ATAD1: variants seen among roughly 807,000 people sequenced by gnomAD.
ATAD1 encodes the protein outer mitochondrial transmembrane helix translocase.
A neutral mutation model predicts 42.7 loss-of-function variants in ATAD1; 18 were observed. The observed-to-expected ratio is 0.42, with a 90% CI of 0.29 to 0.63. The LOEUF (loss-of-function observed/expected upper bound fraction) is 0.63. ATAD1 is among the 20% of genes least tolerant of loss of function. The pLI, the probability that ATAD1 is intolerant of heterozygous loss-of-function variation, is 0.19. For missense variants in ATAD1, 294 were observed against 440.4 expected (o/e 0.67, Z 2.98); for synonymous variants, 132 against 143.1 (o/e 0.92, Z 0.55).
At chr10:87,829,127 A>G (rs1343445804) in intron 1 of ATAD1, among the ~76,000 whole-genome samples, 1 of 152,206 alleles carries the variant, frequency 6.6e-6, no homozygotes, top group Non-Finnish European at 1.5e-5. Flanking sequence ...TTATTACTAG[A>G]GAAATACATT....
chr10:87,798,318 C>T (rs1202255872), intron 2 of ATAD1, among the ~76,000 whole-genome samples: 1 of 152,132 alleles, frequency 6.6e-6, no homozygotes, highest in African/African-American at 2.4e-5. Flanking sequence ...GGAGAATGAT[C>T]CCCTTTCAAG....
At chr10:87,820,091 AAAAC>A (rs1221386630), upstream of ATAD1, among the ~76,000 whole-genome samples, 3 of 152,160 alleles carry the variant, frequency 2.0e-5, no homozygotes, top group African/African-American at 7.2e-5. Context: ...ATGTTCATTA[AAAAC>A]AAACAACAAC....
chr10:87,811,372 T>A (rs1050022530), intron 2 of ATAD1, among the ~76,000 whole-genome samples: 6 of 116,938 alleles, frequency 5.1e-5, no homozygotes, highest in African/African-American at 1.5e-4. Context: ...ACAAGATTTT[T>A]AAAAAATTAT....
intron 2 of ATAD1, among the ~76,000 whole-genome samples, chr10:87,805,846 A>G (rs1856897419): frequency 6.6e-6 from 1 of 151,786 alleles, no homozygotes; most frequent in African/African-American, 2.4e-5. Flanking sequence ...TGCCTCCACC[A>G]AATGGAAATT....
rs560628831 is a variant in ATAD1 at position 87,795,553 on chromosome 10, AAAG to A, written c.163-2801_163-2799del. On this transcript the variant is annotated intron_variant, in intron 2 of 9. Coordinates refer to ENST00000680024, the MANE Select transcript of ATAD1 (RefSeq NM_001321967.2). Reference sequence around the variant, plus strand: ...TTGGATGGGGAGTGTGTGGGGGCCAAAAGAAGGAGGAAAACTTACTTTTTACTG... The same window carrying A: ...TTGGATGGGGAGTGTGTGGGGGCCAAAAGGAGGAAAACTTACTTTTTACTG... 5.3e-4 allele frequency among the ~76,000 whole-genome samples: 80 copies of A among 151,806 alleles called. No individual in the cohort carries two copies. The East Asian group carries it at 0.011, about 21-fold the overall frequency.
chr10:87,754,869 T>C (rs943766908), intron 9 of ATAD1, 62 bp from the exon 10 acceptor site: 3 of 1,551,640 alleles, frequency 1.9e-6, no homozygotes, highest in Admixed American at 3.9e-5. Context: ...CCCTAAAATA[T>C]TTTACCAAGA....
intron 1 of ATAD1, among the ~76,000 whole-genome samples, chr10:87,827,487 T>A (rs1206907631): frequency 6.6e-6 from 1 of 152,222 alleles, no homozygotes; most frequent in Non-Finnish European, 1.5e-5. Context: ...TCCAACAGCA[T>A]GTACTCACTT....
At chr10:87,826,126 T>C (rs1024312797) in intron 1 of ATAD1, among the ~76,000 whole-genome samples, 8 of 151,008 alleles carry the variant, frequency 5.3e-5, no homozygotes, top group Non-Finnish European at 1.0e-4. Flanking sequence ...CCCCTTTTAT[T>C]GTCATTGTTT....
intron 2 of ATAD1, among the ~76,000 whole-genome samples, chr10:87,800,333 T>C (rs1325087368): frequency 6.6e-6 from 1 of 152,090 alleles, no homozygotes; most frequent in African/African-American, 2.4e-5. Context: ...TTTAGTTTTC[T>C]CTCTCCTTTT....
chr10:87,787,533 C>A (rs1286897342), intron 4 of ATAD1, among the ~76,000 whole-genome samples: 3 of 152,092 alleles, frequency 2.0e-5, no homozygotes, highest in Non-Finnish European at 4.4e-5. Context: ...GCAGGAGGAT[C>A]ATTTGAGCCC....
chr10:87,827,435 G>C (rs1017710513), intron 1 of ATAD1, among the ~76,000 whole-genome samples: 1 of 152,168 alleles, frequency 6.6e-6, no homozygotes, highest in Non-Finnish European at 1.5e-5. Context: ...AATGGAAGGT[G>C]TGTGGCAACC....
At chr10:87,779,325 AAAAT>A (rs900564238) in intron 5 of ATAD1, among the ~76,000 whole-genome samples, 3 of 76,246 alleles carry the variant, frequency 3.9e-5, no homozygotes, top group African/African-American at 1.4e-4. Flanking sequence ...AAAATAAAAC[AAAAT>A]AAATAAAATA....
intron 8 of ATAD1, 131 bp downstream of exon 8, chr10:87,767,539 TACC>T: frequency 1.2e-6 from 1 of 824,204 alleles, no homozygotes. Context: ...CATAGACCAG[TACC>T]AGTCTGTGGC....
At chr10:87,827,960 C>T (rs915123102) in intron 1 of ATAD1, among the ~76,000 whole-genome samples, 3 of 151,718 alleles carry the variant, frequency 2.0e-5, no homozygotes, top group Non-Finnish European at 2.9e-5. Context: ...TTTGGTTGTT[C>T]GTTTATTGGT....
chr10:87,773,449 G>A (rs1855145792), intron 6 of ATAD1, among the ~76,000 whole-genome samples: 2 of 152,022 alleles, frequency 1.3e-5, no homozygotes. Flanking sequence ...TCATAGAAAA[G>A]ACAATTCTAG....
At chr10:87,756,696 C>T (rs909685879) in intron 9 of ATAD1, 93 bp downstream of exon 9, 20 of 1,179,434 alleles carry the variant, frequency 1.7e-5, no homozygotes, top group Admixed American at 8.7e-5. Flanking sequence ...ATTTCATAAG[C>T]GGTGTTTCTA....
intron 2 of ATAD1, among the ~76,000 whole-genome samples, chr10:87,804,865 A>G (rs1015699041): frequency 2.0e-5 from 3 of 152,178 alleles, no homozygotes; most frequent in African/African-American, 7.2e-5. Flanking sequence ...GTATGTGCCC[A>G]GAAAAATCCC....
intron 1 of ATAD1, among the ~76,000 whole-genome samples, chr10:87,831,818 A>G (rs1857835302): frequency 6.6e-6 from 1 of 152,200 alleles, no homozygotes; most frequent in Non-Finnish European, 1.5e-5. Flanking sequence ...AACACTTTAT[A>G]TAGTATTTAA....
chr10:87,797,923 T>C (rs1288484981), intron 2 of ATAD1, among the ~76,000 whole-genome samples: 1 of 152,184 alleles, frequency 6.6e-6, no homozygotes, highest in Non-Finnish European at 1.5e-5. Context: ...GATTGAGTTT[T>C]CTCAGCTCCA....
Sources: allele counts gnomAD v4.1 joint callset (sites outside exome capture counted in the v4.1 genomes callset), GRCh38; gene constraint gnomAD v4.1.1; transcripts MANE v1.5; gene names NCBI Gene and HGNC (gene_info 2026-07-23, HGNC 2026-07-21).